Variants in MTBP observed in about 807,000 individuals in gnomAD.
The protein encoded by MTBP is MDM2 binding protein.
Under a neutral mutation model 117.0 loss-of-function variants are expected in MTBP, and 101 were observed. The observed-to-expected ratio is 0.86, with a 90% confidence interval of 0.73 to 1.02. MTBP has a LOEUF of 1.02. MTBP is among the 50% of genes least tolerant of loss of function. The pLI is 0.00. For synonymous variants in MTBP, 350 were observed against 351.5 expected (o/e 1.00, Z 0.05); for missense variants, 970 against 1,030.9 (o/e 0.94, Z 0.81).
chr8:120,483,273 A>G (rs1814133804), intron 11 of MTBP, among the ~76,000 whole-genome samples: 1 of 151,968 alleles, frequency 6.6e-6, no homozygotes, highest in Admixed American at 6.6e-5. Flanking sequence ...CAGTGATCTC[A>G]TTGTTGAAAA....
At position 120,522,627 on chromosome 8, in the gene MTBP, T is replaced by C. The variant is rs368246142; in HGVS notation, c.2611-27T>C. 1.1e-5 allele frequency: 16 copies of C among 1,437,968 alleles called. No individual in the cohort carries two copies. The African/African-American group carries it at 1.6e-4, about 14-fold the overall frequency. The allele number at this position is 1,437,968 out of a possible 1,614,324, so 89.1% of individuals were successfully genotyped here. On this transcript the variant is annotated intron_variant, in intron 20 of 21. Transcript: ENST00000305949. ...TCTTTGTAATTTAATGTGCAGATTGTAAAATGCTGTATTTTATTATGTTTA... is the reference window on the plus strand; with the variant it reads ...TCTTTGTAATTTAATGTGCAGATTGCAAAATGCTGTATTTTATTATGTTTA...
chr8:120,491,797 A>G (rs1814352487), intron 13 of MTBP, among the ~76,000 whole-genome samples: 1 of 152,046 alleles, frequency 6.6e-6, no homozygotes, highest in East Asian at 1.9e-4. Flanking sequence ...CACCTTTCCA[A>G]ACACAAAAAC....
chr8:120,462,085 A>G lies in MTBP; in HGVS notation c.977+830A>G, dbSNP rs184667160. Among the ~76,000 whole-genome samples, 408 of 152,320 alleles carry G rather than the reference A, an allele frequency of 2.7e-3. 2 individuals are homozygous for G. Among genetic ancestry groups the G allele is most frequent in the African/African-American group, 9.7e-3 (402 of 41,586 alleles). On this transcript the variant is annotated intron_variant, in intron 9 of 21. Transcript: ENST00000305949. Reference sequence around the variant, plus strand: ...TGTTGAGGGCAGTTGCTAAGTGATCAGATTGGAGAGCCTTTTCAGATTAAT... The same window carrying G: ...TGTTGAGGGCAGTTGCTAAGTGATCGGATTGGAGAGCCTTTTCAGATTAAT...
intron 19 of MTBP, among the ~76,000 whole-genome samples, chr8:120,518,335 A>C (rs1019257623): frequency 6.6e-5 from 10 of 152,002 alleles, no homozygotes; most frequent in African/African-American, 2.2e-4. Context: ...ATTTGTTATA[A>C]AATATTCTGT....
chr8:120,451,485 C>A (rs1368274601), intron 4 of MTBP, 163 bp downstream of exon 4: 2 of 539,718 alleles, frequency 3.7e-6, no homozygotes, highest in South Asian at 2.9e-5. Flanking sequence ...GAATAAAATT[C>A]TTTAAAATGC....
chr8:120,470,769 A>G, intron 10 of MTBP, 51 bp from the exon 11 acceptor site: 1 of 1,338,522 alleles, frequency 7.5e-7, no homozygotes, highest in South Asian at 1.2e-5. Context: ...GGCACTATTC[A>G]AGAATGAATC....
intron 17 of MTBP, 50 bp downstream of exon 17, chr8:120,510,079 G>A (rs1422421435): frequency 2.4e-6 from 3 of 1,249,266 alleles, no homozygotes; most frequent in East Asian, 2.4e-5. Context: ...GATACAGCCT[G>A]TCTTGTGTGA....
At position 120,506,869 on chromosome 8, in the gene MTBP, A is replaced by ATAAACT; in HGVS notation, c.1883+11_1883+16dup. On this transcript the variant is annotated intron_variant, in intron 16 of 21. Coordinates refer to ENST00000305949, the MANE Select transcript of MTBP (RefSeq NM_022045.5). ...TTTACCGATTCAAAAGGGGTAGGTTATAAACTTATAATTTCCAGTTAACTT... is the reference window on the plus strand; with the variant it reads ...TTTACCGATTCAAAAGGGGTAGGTTATAAACTTAAACTTATAATTTCCAGTTAACTT... 1 of 1,562,360 alleles carries ATAAACT rather than the reference A, an allele frequency of 6.4e-7. No homozygotes were observed. Among genetic ancestry groups the ATAAACT allele is most frequent in the Non-Finnish European group, 8.6e-7 (1 of 1,160,952 alleles).
chr8:120,495,484 G>A (rs537679301), intron 13 of MTBP, among the ~76,000 whole-genome samples: 1 of 152,036 alleles, frequency 6.6e-6, no homozygotes, highest in Admixed American at 6.6e-5. Flanking sequence ...TTAAATGGGA[G>A]AGTCATATCT....
intron 11 of MTBP, chr8:120,473,194 C>T (rs535035111): frequency 6.6e-6 from 1 of 151,874 alleles, no homozygotes; most frequent in African/African-American, 2.4e-5. Flanking sequence ...AATTTGTATT[C>T]TTCTTGGTTA....
At chr8:120,505,993 T>C (rs560875974) in intron 15 of MTBP, among the ~76,000 whole-genome samples, 1 of 152,342 alleles carries the variant, frequency 6.6e-6, no homozygotes, top group East Asian at 1.9e-4. Context: ...TGATTGCTTT[T>C]TAAGCTTGGC....
At chr8:120,488,407 G>A (rs1814265307) in intron 12 of MTBP, 75 bp downstream of exon 12, 4 of 1,072,362 alleles carry the variant, frequency 3.7e-6, no homozygotes, top group Non-Finnish European at 5.0e-6. Context: ...GCTTTAAGTA[G>A]AAGAAATACT....
At chr8:120,453,585 G>T (rs186714181) in intron 4 of MTBP, among the ~76,000 whole-genome samples, 19 of 152,036 alleles carry the variant, frequency 1.2e-4, no homozygotes, top group Non-Finnish European at 2.1e-4. Context: ...TGTTTTTGGG[G>T]TGTGGGTAAG....
chr8:120,483,457 G>A (rs1283622976), intron 11 of MTBP, among the ~76,000 whole-genome samples: 2 of 151,912 alleles, frequency 1.3e-5, no homozygotes, highest in Admixed American at 1.3e-4. Context: ...TGTTTCCCCC[G>A]TAGTCCTGGG....
intron 10 of MTBP, 24 bp downstream of exon 10, chr8:120,463,785 T>G: frequency 6.2e-7 from 1 of 1,600,462 alleles, no homozygotes; most frequent in Non-Finnish European, 8.5e-7. Flanking sequence ...CTTGGGGGTT[T>G]TTTGTTTGTT....
At chr8:120,466,909 A>G (rs766432765) in intron 10 of MTBP, among the ~76,000 whole-genome samples, 16 of 152,154 alleles carry the variant, frequency 1.1e-4, no homozygotes, top group Non-Finnish European at 1.9e-4. Context: ...GGTTTCATTT[A>G]TTAAACAATT....
At chr8:120,476,858 C>A (rs988764689) in intron 11 of MTBP, among the ~76,000 whole-genome samples, 3 of 152,210 alleles carry the variant, frequency 2.0e-5, no homozygotes, top group African/African-American at 7.2e-5. Context: ...ATGCTATCCC[C>A]ATCAAGCTAC....
intron 3 of MTBP, 24 bp downstream of exon 3, chr8:120,451,100 A>G (rs757530596): frequency 1.9e-6 from 3 of 1,588,658 alleles, no homozygotes; most frequent in Admixed American, 3.5e-5. Context: ...AAAGATAGCT[A>G]CTAATGAATG....
chr8:120,476,497 T>C (rs547827626), intron 11 of MTBP, among the ~76,000 whole-genome samples: 1 of 152,138 alleles, frequency 6.6e-6, no homozygotes, highest in South Asian at 2.1e-4. Context: ...GATTGTATAT[T>C]TAGAAAACTC....
Sources: gnomAD v4.1 joint callset for allele counts (sites outside exome capture counted in the v4.1 genomes callset) on GRCh38, gnomAD v4.1.1 for gene constraint, MANE v1.5 for transcripts, NCBI Gene and HGNC (gene_info 2026-07-23, HGNC 2026-07-21) for gene names.